The following MTMR1 variants were observed in gnomAD, a reference collection of about 807,000 sequenced individuals.
The protein encoded by MTMR1 is phosphatidylinositol-3-phosphate phosphatase MTMR1.
Under a neutral mutation model 51.6 loss-of-function variants are expected in MTMR1, and 17 were observed. That is an observed-to-expected ratio of 0.33 (90% CI 0.23 to 0.49). MTMR1 has a LOEUF of 0.49. MTMR1 is among the 20% of genes least tolerant of loss of function. The probability of loss-of-function intolerance (pLI) is 0.99; values close to 1 mark genes in which losing one functional copy is unlikely to be tolerated. For synonymous variants in MTMR1, 201 were observed against 205.6 expected (o/e 0.98, Z 0.19); for missense variants, 386 against 526.9 (o/e 0.73, Z 2.62).
At chrX:150,713,620 A>G (rs1208939279) in intron 3 of MTMR1, among the ~76,000 whole-genome samples, 1 of 111,678 alleles carries the variant, frequency 9.0e-6, no homozygotes, top group African/African-American at 3.2e-5. Flanking sequence ...GACTTGATAG[A>G]ATTTTAAAAA....
At chrX:150,713,307 G>C (rs1324058357) in intron 3 of MTMR1, among the ~76,000 whole-genome samples, 1 of 111,646 alleles carries the variant, frequency 9.0e-6, no homozygotes, top group Admixed American at 9.5e-5. Context: ...TTAATTACTC[G>C]ATTTTCTTTA....
At chrX:150,760,379 T>A in intron 15 of MTMR1, among the ~76,000 whole-genome samples, 1 of 110,546 alleles carries the variant, frequency 9.0e-6, no homozygotes, top group Non-Finnish European at 1.9e-5. Context: ...CTCTTTTCTC[T>A]GAGAAGGCAG....
intron 2 of MTMR1, among the ~76,000 whole-genome samples, chrX:150,700,872 T>C (rs2040881521): frequency 8.9e-6 from 1 of 112,798 alleles, no homozygotes; most frequent in Non-Finnish European, 1.9e-5. Flanking sequence ...TGTGCATAGC[T>C]TTCTAACATT....
intron 12 of MTMR1, among the ~76,000 whole-genome samples, chrX:150,738,717 G>A (rs1221566243): frequency 1.8e-5 from 2 of 111,417 alleles, no homozygotes; most frequent in African/African-American, 6.6e-5. Context: ...ATTGGCTTAG[G>A]GCTGACTTCA....
Position 150,693,599 on chromosome X carries a change from G to A in MTMR1, c.69G>A (p.Ala23=). Residue 23 remains alanine (A), a synonymous_variant, in exon 1 of 16, where the codon GCG becomes GCA. Coordinates refer to ENST00000445323, the MANE Select transcript of MTMR1 (RefSeq NM_001306144.3). ...EGGGGPNPGP[A]GGRRPPRAAG... ...GCGGGGGCCCGAACCCGGGGCCGGC[G>A]GGCGGCAGGAGGCCTCCTCGGGCCG... is the stretch of plus-strand genomic sequence containing the variant. 1.3e-6 allele frequency: 1 copy of A among 759,538 alleles called. No individual in the cohort carries two copies. The allele number at this position is 759,538 out of a possible 1,213,427, so 62.6% of individuals were successfully genotyped here. A position where few individuals can be genotyped will look rare whatever the true frequency, so the allele number is the denominator to read the frequency against.
At chrX:150,717,855 A>G (rs1557416447) in intron 3 of MTMR1, among the ~76,000 whole-genome samples, 1 of 112,637 alleles carries the variant, frequency 8.9e-6, no homozygotes, top group East Asian at 2.8e-4. Flanking sequence ...ATCATTAGCA[A>G]TTTGCTTGGT....
intron 4 of MTMR1, among the ~76,000 whole-genome samples, chrX:150,724,860 T>A (rs1327393177): frequency 8.9e-6 from 1 of 112,254 alleles, no homozygotes; most frequent in Admixed American, 9.4e-5. Context: ...TCCCTATTGC[T>A]TGCTTTTGTT....
At chrX:150,709,526 G>A (rs782162916) in intron 2 of MTMR1, among the ~76,000 whole-genome samples, 16 of 112,182 alleles carry the variant, frequency 1.4e-4, no homozygotes, top group African/African-American at 4.5e-4. Context: ...CTGTTCTCAC[G>A]TTGCTATAAA....
chrX:150,715,687 T>C (rs1557416372), intron 3 of MTMR1, among the ~76,000 whole-genome samples: 1 of 112,757 alleles, frequency 8.9e-6, no homozygotes, highest in African/African-American at 3.2e-5. Flanking sequence ...TGAGTTTCTA[T>C]GCTAAAGCTA....
chrX:150,730,499 A>G (rs782787674), intron 7 of MTMR1, 26 bp from the exon 8 acceptor site: 1 of 1,019,173 alleles, frequency 9.8e-7, no homozygotes, highest in Non-Finnish European at 1.3e-6. Context: ...ATAGTAACAT[A>G]TGTGTTTTGT....
chrX:150,724,016 A>G (rs1331785112), intron 4 of MTMR1, among the ~76,000 whole-genome samples: 2 of 112,062 alleles, frequency 1.8e-5, no homozygotes, highest in East Asian at 5.6e-4. Flanking sequence ...TGACTTTGCT[A>G]TTGTGAATAG....
chrX:150,719,641 G>C (rs1386054682), intron 4 of MTMR1, among the ~76,000 whole-genome samples: 4 of 111,961 alleles, frequency 3.6e-5, no homozygotes, highest in Admixed American at 2.8e-4. Flanking sequence ...TCATGCCCCT[G>C]CTTCTTCTTC....
chrX:150,751,910 C>CT lies in MTMR1; in HGVS notation c.1680+1092dup, dbSNP rs35937277. On this transcript the variant is annotated intron_variant, in intron 14 of 15. Transcript: ENST00000445323. The stretch of plus-strand genomic sequence containing the variant: ...GTCCCAAAGTATATTCTTTTTCTTT[C>CT]TTTTTTTTTTTTTTTTTTTTTTTTT... Among the ~76,000 whole-genome samples the CT allele has an allele frequency of 9.0e-3, 375 of 41,592 alleles. 5 individuals are homozygous for CT. The highest frequency in any genetic ancestry group is 0.029 in the African/African-American group (272 of 9,485). 36.1% of individuals were successfully genotyped at this position (41,592 alleles called of 115,157 possible).
chrX:150,754,179 C>G (rs1340709659), intron 14 of MTMR1, among the ~76,000 whole-genome samples: 5 of 113,116 alleles, frequency 4.4e-5, no homozygotes, highest in Non-Finnish European at 9.4e-5. Flanking sequence ...TTCCATTGAT[C>G]TGCATGTCTG....
In MTMR1 at chrX:150,764,868, T is replaced by TC. The variant is rs1372597916; in HGVS notation, c.*2139_*2140insC. ...TTTAAAAACTGGTACAGTATTGTAT[T>TC]TGTCTCATCTGTTGCACTGTATTTC... On this transcript the variant is annotated 3_prime_UTR_variant, in exon 16 of 16. Transcript: ENST00000445323. The TC allele has an allele frequency of 9.0e-6, 1 of 111,583 alleles. No individual in the cohort carries two copies. The highest frequency in any genetic ancestry group is 1.9e-5 in the Non-Finnish European group (1 of 52,995). 9.2% of individuals were successfully genotyped at this position (111,583 alleles called of 1,213,427 possible). A position where few individuals can be genotyped will look rare whatever the true frequency, so the allele number is the denominator to read the frequency against.
rs967989748 is a variant in MTMR1 at position 150,737,288 on chromosome X, G to C, written c.1313G>C (p.Gly438Ala). The change falls in exon 12 of 16, where the codon GGG (glycine) becomes GCG (alanine). Residue 438 changes from glycine to alanine, a missense_variant. Gly to Ala is a moderately conservative substitution (Grantham distance 60). Coordinates refer to ENST00000445323, the MANE Select transcript of MTMR1 (RefSeq NM_001306144.3). Reference protein sequence around the residue: ...AVRIADKIESGKTSVVVHCSD... With the variant: ...AVRIADKIESAKTSVVVHCSD... ...AGAATTGCTGATAAAATAGAATCTG[G>C]GAAAACATCTGTGGTGGTGCATTGC... The C allele has an allele frequency of 8.3e-7, 1 of 1,211,753 alleles. No individual in the cohort carries two copies. Among genetic ancestry groups the C allele is most frequent in the Admixed American group, 2.2e-5 (1 of 46,034 alleles).
intron 10 of MTMR1, among the ~76,000 whole-genome samples, chrX:150,733,831 G>A (rs1396273915): frequency 9.0e-6 from 1 of 111,505 alleles, no homozygotes; most frequent in Non-Finnish European, 1.9e-5. Context: ...TGATAAGCTC[G>A]CCACCCCTGT....
chrX:150,745,021 A>G (rs1299103974), intron 13 of MTMR1, among the ~76,000 whole-genome samples: 2 of 112,818 alleles, frequency 1.8e-5, no homozygotes, highest in Non-Finnish European at 3.8e-5. Flanking sequence ...GAAGGGAGCC[A>G]TCTAGGGATC....
chrX:150,721,169 C>T (rs2041733453), intron 4 of MTMR1, among the ~76,000 whole-genome samples: 1 of 111,735 alleles, frequency 8.9e-6, no homozygotes, highest in African/African-American at 3.3e-5. Flanking sequence ...ATGTAGTATC[C>T]ATTTTATAAA....
Sources: allele counts gnomAD v4.1 joint callset (sites outside exome capture counted in the v4.1 genomes callset), GRCh38; gene constraint gnomAD v4.1.1; transcripts MANE v1.5; gene names NCBI Gene and HGNC (gene_info 2026-07-23, HGNC 2026-07-21).